The following EMC2 variants were observed in gnomAD, a reference collection of about 807,000 sequenced individuals.
The protein encoded by EMC2 is ER membrane protein complex subunit 2.
In EMC2, 37 loss-of-function variants were observed where a neutral mutation model predicts 51.6. The ratio of observed to expected loss-of-function variants is 0.72; its 90% CI spans 0.55 to 0.94. The LOEUF is 0.94. EMC2 is among the 40% of genes least tolerant of loss of function. The probability of loss-of-function intolerance (pLI) is 0.00; values close to 1 mark genes in which losing one functional copy is unlikely to be tolerated. For missense variants in EMC2, 359 were observed against 350.9 expected (o/e 1.02, Z -0.18); for synonymous variants, 131 against 112.4 (o/e 1.17, Z -1.04).
intron 1 of EMC2, among the ~76,000 whole-genome samples, chr8:108,444,080 C>T (rs1204505545): frequency 6.6e-6 from 1 of 152,206 alleles, no homozygotes; most frequent in African/African-American, 2.4e-5. Context: ...AAACACAGGG[C>T]CTGTAAGGCC....
Position 108,449,933 on chromosome 8 carries a change from G to C in EMC2, c.151G>C (p.Asp51His), listed in dbSNP as rs768777059. The change falls in exon 2 of 11, where the codon GAT becomes CAT. Residue 51 changes from aspartate to histidine, a missense_variant. By Grantham distance (81) the Asp-to-His change is moderately conservative (BLOSUM62 -1). Coordinates refer to ENST00000220853, the MANE Select transcript of EMC2 (RefSeq NM_014673.5). ...INEYASKLGD[D>H]IWIIYEQVMI... ...TGAATATGCTTCTAAGCTGGGAGAT[G>C]ATAGTAAGTTCTTTTATTACATTCA... 2.1e-6 allele frequency: 3 copies of C among 1,454,350 alleles called. No homozygotes were observed. In the South Asian group the frequency reaches 3.5e-5, roughly 17 times the overall value. 90.1% of individuals were successfully genotyped at this position (1,454,350 alleles called of 1,614,324 possible).
intron 5 of EMC2, among the ~76,000 whole-genome samples, chr8:108,469,019 C>T (rs1263732971): frequency 1.3e-5 from 2 of 152,034 alleles, no homozygotes; most frequent in Admixed American, 6.6e-5. Flanking sequence ...CTTTCCAGTT[C>T]GTCCACTCTG....
intron 8 of EMC2, among the ~76,000 whole-genome samples, chr8:108,476,337 C>A (rs1030410250): frequency 6.6e-6 from 1 of 151,734 alleles, no homozygotes; most frequent in African/African-American, 2.4e-5. Context: ...ATTTAATTTG[C>A]ATATTATTAA....
At chr8:108,459,721 A>AGAGAGTGTGTGT (rs763020311) in intron 5 of EMC2, among the ~76,000 whole-genome samples, 32 of 136,968 alleles carry the variant, frequency 2.3e-4, no homozygotes, top group African/African-American at 5.9e-4. Flanking sequence ...AGAGAGAGAG[A>AGAGAGTGTGTGT]GTGTGTGTGT....
At chr8:108,461,140 G>A (rs1419294662) in intron 5 of EMC2, among the ~76,000 whole-genome samples, 1 of 152,162 alleles carries the variant, frequency 6.6e-6, no homozygotes, top group Admixed American at 6.5e-5. Flanking sequence ...TCTCAAAGGC[G>A]GGAAAGTCTA....
At chr8:108,452,073 G>T (rs9656879) in intron 3 of EMC2, among the ~76,000 whole-genome samples, 41,417 of 152,070 alleles carry the variant, frequency 0.27, 5,834 homozygotes, top group African/African-American at 0.3. Context: ...TGGACTATTT[G>T]TATCATCTTT....
chr8:108,476,924 T>G (rs1422761935), intron 9 of EMC2, 32 bp downstream of exon 9: 1 of 1,032,482 alleles, frequency 9.7e-7, no homozygotes, highest in Non-Finnish European at 1.5e-6. Flanking sequence ...ATGTTATTTT[T>G]AAAAATCTGT....
chr8:108,445,267 T>C (rs1238121100), intron 1 of EMC2, among the ~76,000 whole-genome samples: 1 of 152,224 alleles, frequency 6.6e-6, no homozygotes, highest in Non-Finnish European at 1.5e-5. Flanking sequence ...TATAAAAGGA[T>C]GTGTTACTAT....
chr8:108,455,884 C>G lies in EMC2; in HGVS notation c.317C>G (p.Ala106Gly). Residue 106 changes from alanine to glycine, a missense_variant, in exon 5 of 11, where the codon GCT (alanine) becomes GGT (glycine). Coordinates refer to ENST00000220853, the MANE Select transcript of EMC2 (RefSeq NM_014673.5). ...TTCTTTTTAAATAGATATGATGATG[C>G]TATACAGCTATATGATAGGATTTTA... ...RFEAMERYDD[A>G]IQLYDRILQE... 1 of 1,250,660 alleles carries G rather than the reference C, an allele frequency of 8.0e-7. No homozygotes were observed. Among genetic ancestry groups the G allele is most frequent in the East Asian group, 2.7e-5 (1 of 37,490 alleles). 77.5% of individuals were successfully genotyped at this position (1,250,660 alleles called of 1,614,324 possible). A position where few individuals can be genotyped will look rare whatever the true frequency, so the allele number is the denominator to read the frequency against.
intron 5 of EMC2, 92 bp from the exon 6 acceptor site, chr8:108,469,734 A>G: frequency 9.8e-7 from 1 of 1,025,052 alleles, no homozygotes; most frequent in Non-Finnish European, 1.5e-6. Context: ...TTTCTCTGGC[A>G]TTGAGATAAT....
At chr8:108,464,883 A>T (rs1050429494) in intron 5 of EMC2, among the ~76,000 whole-genome samples, 1 of 152,060 alleles carries the variant, frequency 6.6e-6, no homozygotes, top group African/African-American at 2.4e-5. Flanking sequence ...AAAATGCCGC[A>T]TTTTCCAGGC....
intron 2 of EMC2, 129 bp from the exon 3 acceptor site, chr8:108,450,299 A>G: frequency 1.5e-6 from 1 of 658,504 alleles, no homozygotes; most frequent in Non-Finnish European, 2.7e-6. Context: ...TTTCAGAGAT[A>G]ATACAATAAA....
intron 1 of EMC2, among the ~76,000 whole-genome samples, chr8:108,444,648 A>C (rs903101186): frequency 6.6e-6 from 1 of 152,196 alleles, no homozygotes; most frequent in African/African-American, 2.4e-5. Context: ...TAAATATATC[A>C]GTTATTATAA....
intron 10 of EMC2, among the ~76,000 whole-genome samples, chr8:108,482,365 ACTT>A (rs1157673554): frequency 6.6e-6 from 1 of 152,064 alleles, no homozygotes; most frequent in African/African-American, 2.4e-5. Context: ...AATATGTATA[ACTT>A]CTTACTTTTT....
intron 7 of EMC2, chr8:108,474,392 GATAA>G (rs1810911049): frequency 1.3e-5 from 2 of 151,996 alleles, no homozygotes; most frequent in African/African-American, 4.8e-5. Context: ...CTTTTCGAGT[GATAA>G]ATATATATTA....
rs1354295245 is a variant in EMC2, at chr8:108,479,059, C to T, written c.756C>T (p.Asp252=). The part of the protein sequence containing the change: ...NPKASAKTKK[D]NMKYASWAAS... ...AAGCAAGTGCAAAAACGAAAAAGGA[C>T]AACATGAAATATGCTAGTTGGGCAG... is the stretch of plus-strand genomic sequence containing the variant. Residue 252 remains aspartate (D), a synonymous_variant, in exon 10 of 11, where the codon GAC becomes GAT. Coordinates refer to ENST00000220853, the MANE Select transcript of EMC2 (RefSeq NM_014673.5). 6.3e-7 allele frequency: 1 copy of T among 1,590,392 alleles called. No individual in the cohort carries two copies. The highest frequency in any genetic ancestry group is 8.6e-7 in the Non-Finnish European group (1 of 1,168,070).
At chr8:108,485,675 G>T (rs1199749056) in intron 10 of EMC2, among the ~76,000 whole-genome samples, 1 of 150,346 alleles carries the variant, frequency 6.7e-6, no homozygotes, top group South Asian at 2.1e-4. Flanking sequence ...TGTCAGTCCA[G>T]TTAACAAACT....
At position 108,468,382 on chromosome 8, in the gene EMC2, C is replaced by G. The variant is rs559782003; in HGVS notation, c.364-1444C>G. Among the ~76,000 whole-genome samples the G allele has an allele frequency of 2.8e-4, 43 of 152,164 alleles. No homozygotes were observed. The East Asian group carries it at 7.5e-3, about 27-fold the overall frequency. ...TTATTTTAAAAATATTTGCTTGTGCCTACTATGTGACAGGCATTGTGCTAA... is the reference window on the plus strand; with the variant it reads ...TTATTTTAAAAATATTTGCTTGTGCGTACTATGTGACAGGCATTGTGCTAA... On this transcript the variant is annotated intron_variant, in intron 5 of 10. Transcript: ENST00000220853.
At chr8:108,475,301 A>G (rs780849060) in intron 7 of EMC2, 1 of 152,034 alleles carries the variant, frequency 6.6e-6, no homozygotes, top group Non-Finnish European at 1.5e-5. Flanking sequence ...AAATAATAGT[A>G]CAGTATATAT....
Sources: gnomAD v4.1 joint callset for allele counts (sites outside exome capture counted in the v4.1 genomes callset) on GRCh38, gnomAD v4.1.1 for gene constraint, MANE v1.5 for transcripts, NCBI Gene and HGNC (gene_info 2026-07-23, HGNC 2026-07-21) for gene names.